PARP8: variants seen among roughly 807,000 people sequenced by gnomAD.
PARP8 encodes the protein protein mono-ADP-ribosyltransferase PARP8.
A neutral mutation model predicts 124.1 loss-of-function variants in PARP8; 51 were observed. The observed-to-expected ratio is 0.41, with a 90% CI of 0.33 to 0.52. The LOEUF (loss-of-function observed/expected upper bound fraction) is 0.52, where lower values mean the gene tolerates loss of function less well. PARP8 is among the 20% of genes least tolerant of loss of function. The pLI is 0.21. For missense variants in PARP8, 860 were observed against 1,018.9 expected (o/e 0.84, Z 2.12); for synonymous variants, 391 against 361.5 (o/e 1.08, Z -0.93).
chr5:50,837,864 A>G (rs1422568059), intron 25 of PARP8, among the ~76,000 whole-genome samples: 2 of 152,134 alleles, frequency 1.3e-5, no homozygotes, highest in African/African-American at 4.8e-5. Flanking sequence ...AAGAAACTTA[A>G]TTAAATATAA....
At chr5:50,722,781 C>A (rs1756035980) in intron 2 of PARP8, among the ~76,000 whole-genome samples, 1 of 151,894 alleles carries the variant, frequency 6.6e-6, no homozygotes. Context: ...TGGTATGACC[C>A]CAGCTCTCTC....
chr5:50,833,851 C>T (rs1580504802), intron 23 of PARP8, 128 bp from the exon 24 acceptor site: 1 of 620,758 alleles, frequency 1.6e-6, no homozygotes, highest in East Asian at 2.9e-5. Context: ...GAAATTGATG[C>T]TAGTCTAGAT....
At chr5:50,840,991 G>C (rs1201612605) in intron 25 of PARP8, among the ~76,000 whole-genome samples, 1 of 151,872 alleles carries the variant, frequency 6.6e-6, no homozygotes, top group African/African-American at 2.4e-5. Context: ...GTTATCACTT[G>C]ATGGTTAAGC....
At chr5:50,774,385 T>A (rs1761942419) in intron 7 of PARP8, among the ~76,000 whole-genome samples, 1 of 152,184 alleles carries the variant, frequency 6.6e-6, no homozygotes, top group South Asian at 2.1e-4. Context: ...GCAGAAAGGC[T>A]GTCACTTCAC....
intron 2 of PARP8, among the ~76,000 whole-genome samples, chr5:50,692,100 A>G (rs1476025054): frequency 6.6e-6 from 1 of 152,092 alleles, no homozygotes; most frequent in African/African-American, 2.4e-5. Context: ...TATTCCATTC[A>G]ACCCATAGCA....
intron 2 of PARP8, among the ~76,000 whole-genome samples, chr5:50,725,149 T>C (rs1017340005): frequency 1.3e-5 from 2 of 150,132 alleles, no homozygotes; most frequent in African/African-American, 5.0e-5. Context: ...TGTATATGTG[T>C]GTATATATAT....
At chr5:50,739,726 ATATATATTTTTT>A (rs1438251050) in intron 2 of PARP8, among the ~76,000 whole-genome samples, 2 of 105,134 alleles carry the variant, frequency 1.9e-5, no homozygotes, top group Non-Finnish European at 3.9e-5. Context: ...ATATATATAT[ATATATATTTTTT>A]TTTTTTTTTT....
At chr5:50,808,452 G>T (rs1188006930) in intron 14 of PARP8, among the ~76,000 whole-genome samples, 2 of 152,042 alleles carry the variant, frequency 1.3e-5, no homozygotes, top group African/African-American at 4.8e-5. Flanking sequence ...GTGAAGATAA[G>T]CTAATAATTG....
At chr5:50,767,953 T>C (rs375424523) in intron 7 of PARP8, among the ~76,000 whole-genome samples, 2 of 152,260 alleles carry the variant, frequency 1.3e-5, no homozygotes, top group African/African-American at 4.8e-5. Flanking sequence ...CAATAGAGGC[T>C]TACTTCCTAG....
intron 2 of PARP8, among the ~76,000 whole-genome samples, chr5:50,714,430 A>G (rs567132365): frequency 6.6e-6 from 1 of 152,000 alleles, no homozygotes; most frequent in African/African-American, 2.4e-5. Context: ...TTTTACTTTA[A>G]GTTCTGGGAT....
At chr5:50,796,020 G>A (rs2149652366) in intron 12 of PARP8, among the ~76,000 whole-genome samples, 1 of 152,280 alleles carries the variant, frequency 6.6e-6, no homozygotes, top group East Asian at 1.9e-4. Flanking sequence ...AATAATTTAA[G>A]TCCTTTTGAT....
intron 2 of PARP8, among the ~76,000 whole-genome samples, chr5:50,688,768 A>T (rs1426211667): frequency 6.6e-6 from 1 of 152,190 alleles, no homozygotes; most frequent in Non-Finnish European, 1.5e-5. Context: ...TCTTTACTGA[A>T]AGAAAACCTG....
intron 2 of PARP8, among the ~76,000 whole-genome samples, chr5:50,733,912 C>T (rs993425607): frequency 6.6e-6 from 1 of 152,272 alleles, no homozygotes. Flanking sequence ...AAATACTGCA[C>T]ACTTCCCTCC....
rs78902648 is a variant in PARP8, at chr5:50,788,626, A to G, written c.737+37A>G. Reference sequence around the variant, plus strand: ...AAAGTGCAAAAAATAAATTTCTGCTAAAGAGAACTGAGTTCTCATTTTGTT... The same window carrying G: ...AAAGTGCAAAAAATAAATTTCTGCTGAAGAGAACTGAGTTCTCATTTTGTT... On this transcript the variant is annotated intron_variant, in intron 10 of 25. Transcript: ENST00000281631. 3.7e-4 allele frequency: 564 copies of G among 1,525,808 alleles called. 3 individuals carry two copies. In the African/African-American group the frequency reaches 6.7e-3, roughly 18 times the overall value. The allele number at this position is 1,525,808 out of a possible 1,614,324, so 94.5% of individuals were successfully genotyped here. A position where few individuals can be genotyped will look rare whatever the true frequency, so the allele number is the denominator to read the frequency against.
intron 12 of PARP8, among the ~76,000 whole-genome samples, chr5:50,796,033 T>C (rs540721517): frequency 2.0e-5 from 3 of 152,366 alleles, no homozygotes; most frequent in South Asian, 2.1e-4. Flanking sequence ...CTTTTGATGC[T>C]ATTTATCAAG....
chr5:50,762,005 G>A (rs1051453005), intron 6 of PARP8, 107 bp downstream of exon 6: 1 of 551,332 alleles, frequency 1.8e-6, no homozygotes, highest in Non-Finnish European at 3.2e-6. Context: ...GTTGTTCAGG[G>A]TTCTGTAACT....
intron 2 of PARP8, among the ~76,000 whole-genome samples, chr5:50,746,982 T>C (rs889862337): frequency 6.6e-6 from 1 of 152,016 alleles, no homozygotes; most frequent in Non-Finnish European, 1.5e-5. Flanking sequence ...GAGCTATGAT[T>C]ATGCCATTGT....
chr5:50,742,414 G>C (rs1367346214), intron 2 of PARP8, among the ~76,000 whole-genome samples: 4 of 152,168 alleles, frequency 2.6e-5, no homozygotes, highest in Non-Finnish European at 4.4e-5. Flanking sequence ...GCAGCAAGTA[G>C]ATGGATTAAT....
intron 2 of PARP8, among the ~76,000 whole-genome samples, chr5:50,723,346 T>C (rs770330449): frequency 3.9e-5 from 6 of 152,152 alleles, no homozygotes; most frequent in Admixed American, 1.3e-4. Context: ...CTACTAGGTA[T>C]AGATTGTTGT....
Sources: allele counts gnomAD v4.1 joint callset (sites outside exome capture counted in the v4.1 genomes callset), GRCh38; gene constraint gnomAD v4.1.1; transcripts MANE v1.5; gene names NCBI Gene and HGNC (gene_info 2026-07-23, HGNC 2026-07-21).